MYO5B: variants seen among roughly 807,000 people sequenced by gnomAD.
The protein encoded by MYO5B is myosin VB.
In MYO5B, 143 loss-of-function variants were observed where a neutral mutation model predicts 229.3. The ratio of observed to expected loss-of-function variants is 0.62; its 90% CI spans 0.54 to 0.72. The LOEUF is 0.72. Ranked by LOEUF, MYO5B falls within the 30% of genes least tolerant of loss-of-function variation. The pLI, the probability that MYO5B is intolerant of heterozygous loss-of-function variation, is 0.00. For missense variants in MYO5B, 2,321 were observed against 2,331.0 expected, an observed-to-expected ratio of 1.00 and a Z score of 0.09; for synonymous variants, 918 against 885.2, an observed-to-expected ratio of 1.04 and a Z score of -0.66.
chr18:50,093,167 T>C (rs1451849984), intron 1 of MYO5B, among the ~76,000 whole-genome samples: 1 of 150,690 alleles, frequency 6.6e-6, no homozygotes, highest in African/African-American at 2.5e-5. Context: ...ACTACTAACC[T>C]ATGAGCTTTG....
At chr18:50,192,844 A>T (rs1416662342) in intron 1 of MYO5B, among the ~76,000 whole-genome samples, 3 of 152,218 alleles carry the variant, frequency 2.0e-5, no homozygotes, top group East Asian at 1.9e-4. Flanking sequence ...GGTATAACTT[A>T]AAAAAGTGTC....
At chr18:50,058,190 G>A (rs1198998923) in intron 1 of MYO5B, among the ~76,000 whole-genome samples, 1 of 152,216 alleles carries the variant, frequency 6.6e-6, no homozygotes, top group African/African-American at 2.4e-5. Context: ...TTGAAGGCCA[G>A]GTGCAGTGGC....
chr18:49,992,217 TG>T (rs1193922501), intron 6 of MYO5B, 70 bp downstream of exon 6: 1 of 1,594,142 alleles, frequency 6.3e-7, no homozygotes, highest in Non-Finnish European at 8.6e-7. Flanking sequence ...GTCCAGGGAG[TG>T]GGGCAGGGAG....
intron 22 of MYO5B, among the ~76,000 whole-genome samples, chr18:49,891,951 G>C (rs1216483650): frequency 6.6e-6 from 1 of 151,744 alleles, no homozygotes; most frequent in African/African-American, 2.4e-5. Context: ...CTGAGAGCCA[G>C]GCACCTGGCT....
intron 17 of MYO5B, among the ~76,000 whole-genome samples, chr18:49,920,595 C>T (rs145499101): frequency 2.2e-3 from 331 of 152,264 alleles, no homozygotes; most frequent in African/African-American, 7.6e-3. Flanking sequence ...CAATTCCTCC[C>T]CACTGGCTCC....
intron 4 of MYO5B, among the ~76,000 whole-genome samples, chr18:50,009,555 C>T (rs759873460): frequency 1.3e-5 from 2 of 151,976 alleles, no homozygotes; most frequent in African/African-American, 4.8e-5. Context: ...AAATCAGATT[C>T]GGGGAACGAA....
At chr18:50,135,425 C>T (rs1027650755) in intron 1 of MYO5B, among the ~76,000 whole-genome samples, 2 of 152,160 alleles carry the variant, frequency 1.3e-5, no homozygotes, top group Non-Finnish European at 2.9e-5. Context: ...TGATCATATT[C>T]GTCTTTGCCA....
intron 1 of MYO5B, among the ~76,000 whole-genome samples, chr18:50,088,342 C>A (rs2031376012): frequency 6.6e-6 from 1 of 152,152 alleles, no homozygotes; most frequent in South Asian, 2.1e-4. Context: ...ACATGACAGG[C>A]ATGTATAGGA....
intron 1 of MYO5B, among the ~76,000 whole-genome samples, chr18:50,065,428 C>A (rs184847953): frequency 6.6e-6 from 1 of 152,166 alleles, no homozygotes; most frequent in Non-Finnish European, 1.5e-5. Context: ...AGGAAACTTA[C>A]AATCATGGCG....
intron 14 of MYO5B, among the ~76,000 whole-genome samples, chr18:49,950,705 G>A (rs748658323): frequency 1.3e-5 from 2 of 152,144 alleles, no homozygotes; most frequent in Non-Finnish European, 2.9e-5. Flanking sequence ...GATGGGTCAA[G>A]GAGTGGGAAA....
chr18:50,043,960 C>T (rs2030146182), intron 2 of MYO5B, among the ~76,000 whole-genome samples: 1 of 151,788 alleles, frequency 6.6e-6, no homozygotes, highest in Non-Finnish European at 1.5e-5. Flanking sequence ...ATGGGTGCAC[C>T]AAAATCTCAG....
intron 1 of MYO5B, among the ~76,000 whole-genome samples, chr18:50,182,830 C>T (rs1302052969): frequency 1.3e-5 from 2 of 152,088 alleles, no homozygotes; most frequent in Non-Finnish European, 2.9e-5. Context: ...TGCCTAGAAC[C>T]AGGCTGTGGG....
intron 25 of MYO5B, among the ~76,000 whole-genome samples, chr18:49,877,386 C>T (rs959922984): frequency 7.2e-5 from 11 of 152,174 alleles, no homozygotes; most frequent in Non-Finnish European, 1.3e-4. Context: ...ATTGATATTA[C>T]TATATGCACT....
At chr18:49,992,526 TC>T in intron 5 of MYO5B, 95 bp from the exon 6 acceptor site, 3 of 1,558,816 alleles carry the variant, frequency 1.9e-6, no homozygotes, top group Non-Finnish European at 2.6e-6. Context: ...CCCTTTCTCT[TC>T]CTTACTTACA....
intron 1 of MYO5B, among the ~76,000 whole-genome samples, chr18:50,060,295 T>G (rs1259086405): frequency 6.6e-6 from 1 of 152,184 alleles, no homozygotes; most frequent in Non-Finnish European, 1.5e-5. Context: ...CAGTAAAATA[T>G]TTTCACAGAA....
chr18:49,934,719 T>C (rs1203482746), intron 16 of MYO5B, among the ~76,000 whole-genome samples: 2 of 152,072 alleles, frequency 1.3e-5, no homozygotes, highest in African/African-American at 4.8e-5. Flanking sequence ...GTCTCAGAGA[T>C]TTGGAGGAAG....
Position 50,059,395 on chromosome 18 carries a change from A to T in MYO5B, c.28-4017T>A, listed in dbSNP as rs148205335. The stretch of plus-strand genomic sequence containing the variant: ...ATGTGACCAACTCCTAAGGAGAGTA[A>T]CATCTATCCAGTGGAGAGAAGGAAG... On this transcript the variant is annotated intron_variant, in intron 1 of 39. Coordinates refer to ENST00000285039, the MANE Select transcript of MYO5B (RefSeq NM_001080467.3). 2.6e-3 allele frequency among the ~76,000 whole-genome samples: 400 copies of T among 152,346 alleles called. 1 individual carries two copies. The highest frequency in any genetic ancestry group is 9.4e-3 in the African/African-American group (392 of 41,582).
intron 4 of MYO5B, among the ~76,000 whole-genome samples, chr18:50,023,857 C>T (rs56276233): frequency 0.027 from 4,110 of 152,168 alleles, 72 homozygotes; most frequent in Non-Finnish European, 0.042. Context: ...GGGTATCATG[C>T]GTTGAAGATG....
intron 4 of MYO5B, among the ~76,000 whole-genome samples, chr18:50,022,710 G>A (rs1264079755): frequency 6.6e-6 from 1 of 152,202 alleles, no homozygotes; most frequent in African/African-American, 2.4e-5. Context: ...CACGGTCAGA[G>A]AGAATTCAGG....
Sources: gnomAD v4.1 joint callset for allele counts (sites outside exome capture counted in the v4.1 genomes callset) on GRCh38, gnomAD v4.1.1 for gene constraint, MANE v1.5 for transcripts, NCBI Gene and HGNC (gene_info 2026-07-23, HGNC 2026-07-21) for gene names.